Variants in CDH18 observed in about 807,000 individuals in gnomAD.
CDH18 encodes cadherin-18.
Under a neutral mutation model 67.9 loss-of-function variants are expected in CDH18, and 31 were observed. The ratio of observed to expected loss-of-function variants is 0.46; its 90% CI spans 0.34 to 0.62. The LOEUF (loss-of-function observed/expected upper bound fraction) is 0.62, where lower values mean the gene tolerates loss of function less well. Among genes scored for constraint, CDH18 ranks in the 20% least tolerant of loss-of-function variants. The pLI, the probability that CDH18 is intolerant of heterozygous loss-of-function variation, is 0.01. For missense variants in CDH18, 890 were observed against 975.5 expected (o/e 0.91, Z 1.17); for synonymous variants, 362 against 347.2 (o/e 1.04, Z -0.48).
intron 2 of CDH18, among the ~76,000 whole-genome samples, chr5:20,146,568 C>A (rs1750659575): frequency 6.6e-6 from 1 of 150,874 alleles, no homozygotes; most frequent in South Asian, 2.1e-4. Flanking sequence ...TTTCTAGCTC[C>A]AGTGCTTTAT....
chr5:19,562,758 C>T (rs1190406529), intron 8 of CDH18, among the ~76,000 whole-genome samples: 2 of 151,998 alleles, frequency 1.3e-5, no homozygotes, highest in African/African-American at 4.8e-5. Flanking sequence ...TCAAAGAAAA[C>T]ATTCAAATTC....
chr5:20,053,855 G>A (rs1434243127), intron 2 of CDH18, among the ~76,000 whole-genome samples: 1 of 152,024 alleles, frequency 6.6e-6, no homozygotes, highest in Non-Finnish European at 1.5e-5. Context: ...ACATGGGTAG[G>A]GGGAGAAAAT....
In CDH18 at chr5:20,422,843, G is replaced by T. The variant is rs527657291; in HGVS notation, c.-580+152619C>A. On this transcript the variant is annotated intron_variant, in intron 1 of 14. Transcript: ENST00000507958. ...ATTCACACCACGGAGCACTTATAAA[G>T]CTCATAATCAAGTTCAATTTATAGC... Among the ~76,000 whole-genome samples, 7 of 151,202 alleles carry T rather than the reference G, an allele frequency of 4.6e-5. No homozygotes were observed. In the South Asian group the frequency reaches 1.5e-3, roughly 31 times the overall value.
At chr5:20,062,188 G>A (rs1026100139) in intron 2 of CDH18, among the ~76,000 whole-genome samples, 2 of 79,600 alleles carry the variant, frequency 2.5e-5, no homozygotes, top group Non-Finnish European at 6.1e-5. Context: ...AGACAGTCTT[G>A]CTGTGTTACT....
At chr5:20,475,374 T>A (rs756139201) in intron 1 of CDH18, among the ~76,000 whole-genome samples, 3 of 152,206 alleles carry the variant, frequency 2.0e-5, no homozygotes, top group African/African-American at 7.2e-5. Context: ...GAGACAGACA[T>A]CATTATAGCC....
Position 20,499,152 on chromosome 5 carries a change from G to A in CDH18, c.-580+76310C>T, listed in dbSNP as rs1272898120. Among the ~76,000 whole-genome samples the A allele has an allele frequency of 7.3e-5, 11 of 151,652 alleles. No individual in the cohort carries two copies. The Admixed American group carries it at 7.3e-4, about 10-fold the overall frequency. On this transcript the variant is annotated intron_variant, in intron 1 of 14. Transcript: ENST00000507958. Reference sequence around the variant, plus strand: ...CACACACACACACAGTCTTCTCTTGGTATCTATAAGGGATTGGTTCCAGGA... The same window carrying A: ...CACACACACACACAGTCTTCTCTTGATATCTATAAGGGATTGGTTCCAGGA...
At chr5:20,197,938 C>A (rs1286194239) in intron 2 of CDH18, among the ~76,000 whole-genome samples, 1 of 152,060 alleles carries the variant, frequency 6.6e-6, no homozygotes, top group South Asian at 2.1e-4. Context: ...GGGGTGGTTT[C>A]CCCTATGCTG....
chr5:20,204,545 A>G (rs1004660521), intron 2 of CDH18, among the ~76,000 whole-genome samples: 27 of 152,158 alleles, frequency 1.8e-4, no homozygotes, highest in Middle Eastern at 3.4e-3. Flanking sequence ...AAAAGAAAAT[A>G]TTGGAAGGGT....
intron 3 of CDH18, among the ~76,000 whole-genome samples, chr5:19,800,627 A>C (rs1235766027): frequency 6.6e-6 from 1 of 152,208 alleles, no homozygotes; most frequent in African/African-American, 2.4e-5. Flanking sequence ...TTAAAGATAA[A>C]ACACTATGAG....
At chr5:20,152,858 C>G (rs1396888441) in intron 2 of CDH18, among the ~76,000 whole-genome samples, 3 of 151,934 alleles carry the variant, frequency 2.0e-5, no homozygotes, top group Non-Finnish European at 4.4e-5. Flanking sequence ...TTACTGATCC[C>G]TATTCAGATG....
intron 2 of CDH18, among the ~76,000 whole-genome samples, chr5:20,023,584 G>A (rs373443833): frequency 9.3e-5 from 14 of 150,406 alleles, no homozygotes; most frequent in African/African-American, 1.5e-4. Flanking sequence ...GCGTGAACCC[G>A]GGAGGCGGAG....
chr5:19,809,462 G>A (rs1484028728), intron 3 of CDH18, among the ~76,000 whole-genome samples: 1 of 151,930 alleles, frequency 6.6e-6, no homozygotes, highest in Admixed American at 6.6e-5. Flanking sequence ...ACAGCAACAG[G>A]GCACATGTAT....
chr5:20,018,267 C>G (rs1320164406), intron 2 of CDH18, among the ~76,000 whole-genome samples: 1 of 152,042 alleles, frequency 6.6e-6, no homozygotes, highest in Admixed American at 6.5e-5. Context: ...TTTCTATGGT[C>G]TGTATTACAT....
intron 2 of CDH18, among the ~76,000 whole-genome samples, chr5:20,129,602 C>T (rs908548458): frequency 1.3e-5 from 2 of 151,860 alleles, no homozygotes; most frequent in Non-Finnish European, 2.9e-5. Flanking sequence ...AGACATCAGG[C>T]GATTGGAAAC....
chr5:20,339,881 G>C (rs572387613), intron 1 of CDH18, among the ~76,000 whole-genome samples: 1 of 152,120 alleles, frequency 6.6e-6, no homozygotes, highest in Non-Finnish European at 1.5e-5. Flanking sequence ...CTGAAAAATA[G>C]GCAGCCCTGC....
intron 1 of CDH18, among the ~76,000 whole-genome samples, chr5:20,523,037 A>T (rs926090302): frequency 2.0e-5 from 3 of 152,200 alleles, no homozygotes; most frequent in Non-Finnish European, 4.4e-5. Context: ...GGACTTTAAC[A>T]GGGCAAATGA....
At chr5:20,034,632 C>T (rs570797130) in intron 2 of CDH18, among the ~76,000 whole-genome samples, 3 of 152,118 alleles carry the variant, frequency 2.0e-5, no homozygotes, top group East Asian at 3.9e-4. Context: ...GGACATCAGC[C>T]TTCTACCTTT....
intron 5 of CDH18, among the ~76,000 whole-genome samples, chr5:19,651,113 T>G (rs1755504731): frequency 6.6e-6 from 1 of 151,984 alleles, no homozygotes; most frequent in Non-Finnish European, 1.5e-5. Flanking sequence ...TTAGCCTCAG[T>G]CTACAATCAA....
At chr5:20,492,645 T>C (rs1348893413) in intron 1 of CDH18, among the ~76,000 whole-genome samples, 1 of 152,108 alleles carries the variant, frequency 6.6e-6, no homozygotes, top group Non-Finnish European at 1.5e-5. Context: ...AATAAGTAAA[T>C]GGTATAATAA....
Sources: gnomAD v4.1 joint callset for allele counts (sites outside exome capture counted in the v4.1 genomes callset) on GRCh38, gnomAD v4.1.1 for gene constraint, MANE v1.5 for transcripts, NCBI Gene and HGNC (gene_info 2026-07-23, HGNC 2026-07-21) for gene names.